Variants in COP1 observed in about 807,000 individuals in gnomAD.
The protein encoded by COP1 is E3 ubiquitin-protein ligase COP1.
COP1 carries 24 observed loss-of-function variants against 101.3 expected under a neutral mutation model. That is an observed-to-expected ratio of 0.24 (90% CI 0.17 to 0.33). The LOEUF is 0.33. COP1 is among the 10% of genes least tolerant of loss of function. The probability of loss-of-function intolerance (pLI) is 1.00; values close to 1 mark genes in which losing one functional copy is unlikely to be tolerated. For missense variants in COP1, 663 were observed against 906.2 expected (o/e 0.73, Z 3.45); for synonymous variants, 347 against 341.9 (o/e 1.01, Z -0.17).
At chr1:176,131,838 T>C (rs545650736) in intron 8 of COP1, among the ~76,000 whole-genome samples, 37 of 151,996 alleles carry the variant, frequency 2.4e-4, no homozygotes, top group African/African-American at 8.7e-4. Flanking sequence ...TTGAGTGATA[T>C]TCACATCACT....
At chr1:176,206,535 A>C (rs780840789) in intron 1 of COP1, 37 bp downstream of exon 1, 30 of 1,578,254 alleles carry the variant, frequency 1.9e-5, no homozygotes, top group Non-Finnish European at 2.5e-5. Context: ...AGAAACTCAT[A>C]ATTTAGGGAC....
intron 2 of COP1, among the ~76,000 whole-genome samples, chr1:176,182,115 G>A (rs1231292260): frequency 6.6e-6 from 1 of 152,172 alleles, no homozygotes; most frequent in Non-Finnish European, 1.5e-5. Flanking sequence ...CTGAACTGAT[G>A]CAGGGCCTTT....
intron 14 of COP1, among the ~76,000 whole-genome samples, chr1:176,038,504 C>CTT (rs1669953468): frequency 6.6e-6 from 1 of 152,110 alleles, no homozygotes; most frequent in South Asian, 2.1e-4. Context: ...AGCTACAAAT[C>CTT]AAGACAACAT....
intron 15 of COP1, among the ~76,000 whole-genome samples, chr1:176,022,282 T>A (rs748621279): frequency 1.3e-5 from 2 of 152,228 alleles, no homozygotes; most frequent in Non-Finnish European, 2.9e-5. Flanking sequence ...ATTAGCATGA[T>A]GCCTCACTTC....
At chr1:175,964,961 T>C (rs1160099557) in intron 18 of COP1, among the ~76,000 whole-genome samples, 1 of 152,230 alleles carries the variant, frequency 6.6e-6, no homozygotes, top group Non-Finnish European at 1.5e-5. Context: ...GTTTTCTCAT[T>C]GCCAGAAAAG....
intron 18 of COP1, chr1:175,968,411 G>A (rs1652524373): frequency 5.8e-6 from 3 of 516,738 alleles, no homozygotes; most frequent in South Asian, 1.4e-5. Flanking sequence ...GTACGGAGGG[G>A]AACGATCAGA....
At chr1:176,083,356 T>C (rs1679539838) in intron 10 of COP1, among the ~76,000 whole-genome samples, 1 of 152,208 alleles carries the variant, frequency 6.6e-6, no homozygotes, top group African/African-American at 2.4e-5. Context: ...GCTAACTGGA[T>C]TTCTGCCCAT....
chr1:176,120,284 A>G (rs2149624944), intron 8 of COP1, among the ~76,000 whole-genome samples: 1 of 152,068 alleles, frequency 6.6e-6, no homozygotes, highest in African/African-American at 2.4e-5. Context: ...GCTGGGCATC[A>G]TGGCAAGTGC....
chr1:175,975,691 G>A (rs901861582), intron 18 of COP1, among the ~76,000 whole-genome samples: 17 of 152,134 alleles, frequency 1.1e-4, no homozygotes, highest in Admixed American at 9.8e-4. Context: ...TTACAGGTGT[G>A]AGTCACTGCA....
chr1:175,951,826 C>A (rs1327327489), intron 18 of COP1, among the ~76,000 whole-genome samples: 1 of 151,844 alleles, frequency 6.6e-6, no homozygotes. Context: ...AATATGCAAC[C>A]TAATAAATGT....
At position 176,110,981 on chromosome 1, in the gene COP1, G is replaced by A. The variant is rs1003528686; in HGVS notation, c.1026+5643C>T. Among the ~76,000 whole-genome samples the A allele has an allele frequency of 2.6e-5, 4 of 151,972 alleles. 1 individual carries two copies. Among genetic ancestry groups the A allele is most frequent in the African/African-American group, 4.8e-5 (2 of 41,390 alleles). ...ATCCTGGCCAACATGGTGAAACCCC[G>A]TCTCTACTAAAAATACAAAAATTAG... On this transcript the variant is annotated intron_variant, in intron 9 of 19. Coordinates refer to ENST00000367669, the MANE Select transcript of COP1 (RefSeq NM_022457.7).
chr1:176,184,665 T>C lies in COP1; in HGVS notation c.435A>G (p.Glu145=). ...VCPICFDMIE[E]AYMTKCGHSF... ...TGTGGCCACATTTTGTCATGTATGC[T>C]TCTTCAATCATATCAAAGCAGATGG... Residue 145 remains glutamate (E), a synonymous_variant, in exon 2 of 20, where the codon GAA becomes GAG. Coordinates refer to ENST00000367669, the MANE Select transcript of COP1 (RefSeq NM_022457.7). The C allele has an allele frequency of 1.2e-6, 2 of 1,609,620 alleles. No individual in the cohort carries two copies. Among genetic ancestry groups the C allele is most frequent in the South Asian group, 1.1e-5 (1 of 90,040 alleles).
At position 176,028,748 on chromosome 1, in the gene COP1, TTTA is replaced by T. The variant is rs1032092893; in HGVS notation, c.1613-1063_1613-1061del. Among the ~76,000 whole-genome samples, 258 of 138,340 alleles carry T rather than the reference TTTA, an allele frequency of 1.9e-3. 1 individual carries two copies. The highest frequency in any genetic ancestry group is 6.5e-3 in the African/African-American group (245 of 37,880). 90.8% of individuals were successfully genotyped at this position (138,340 alleles called of 152,430 possible). A position where few individuals can be genotyped will look rare whatever the true frequency, so the allele number is the denominator to read the frequency against. On this transcript the variant is annotated intron_variant, in intron 14 of 19. Transcript: ENST00000367669. ...ATATAGTTTTATATATATTATTCTT[TTTA>T]TTATTATTATTATTTTTGAGACAGG...
chr1:176,180,818 T>A (rs1189680270), intron 2 of COP1, among the ~76,000 whole-genome samples: 1 of 151,646 alleles, frequency 6.6e-6, no homozygotes, highest in Non-Finnish European at 1.5e-5. Flanking sequence ...AATAACCAGG[T>A]GTAAAGAAAG....
chr1:176,202,944 G>A (rs1700419560), intron 1 of COP1, among the ~76,000 whole-genome samples: 1 of 152,082 alleles, frequency 6.6e-6, no homozygotes, highest in South Asian at 2.1e-4. Context: ...TAAGAAGAGA[G>A]AATCTTAGTT....
chr1:176,156,871 A>G (rs1401383565), intron 5 of COP1, among the ~76,000 whole-genome samples: 1 of 152,184 alleles, frequency 6.6e-6, no homozygotes, highest in East Asian at 1.9e-4. Context: ...CACACTCGTC[A>G]GCAACTGACA....
intron 9 of COP1, among the ~76,000 whole-genome samples, chr1:176,094,673 T>TA (rs397965708): frequency 0.049 from 6,546 of 133,948 alleles, 163 homozygotes; most frequent in African/African-American, 0.054. Context: ...TGGAAAAAGT[T>TA]AAAAAAAAAA....
At position 176,207,073 on chromosome 1, in the gene COP1, G is replaced by C; in HGVS notation, c.-95C>G. The C allele has an allele frequency of 9.5e-7, 1 of 1,053,712 alleles. No individual in the cohort carries two copies. The highest frequency in any genetic ancestry group is 1.2e-6 in the Non-Finnish European group (1 of 801,228). The allele number at this position is 1,053,712 out of a possible 1,614,324, so 65.3% of individuals were successfully genotyped here. On this transcript the variant is annotated 5_prime_UTR_variant, in exon 1 of 20. Coordinates refer to ENST00000367669, the MANE Select transcript of COP1 (RefSeq NM_022457.7). The stretch of plus-strand genomic sequence containing the variant: ...CCTCCCCTCAGCCTCAGTGCATCCT[G>C]AGGACGCCCGCCGAGCCGGAGGTGG...
chr1:175,993,942 T>G (rs1659389519), intron 15 of COP1, among the ~76,000 whole-genome samples: 1 of 151,982 alleles, frequency 6.6e-6, no homozygotes, highest in African/African-American at 2.4e-5. Flanking sequence ...CACATAATTG[T>G]CAGATTCACC....
Sources: gnomAD v4.1 joint callset for allele counts (sites outside exome capture counted in the v4.1 genomes callset) on GRCh38, gnomAD v4.1.1 for gene constraint, MANE v1.5 for transcripts, NCBI Gene and HGNC (gene_info 2026-07-23, HGNC 2026-07-21) for gene names.